CCDC148: variants seen among roughly 807,000 people sequenced by gnomAD.
CCDC148 encodes coiled-coil domain-containing protein 148.
CCDC148 carries 89 observed loss-of-function variants against 85.7 expected under a neutral mutation model. The observed-to-expected ratio is 1.04, with a 90% CI of 0.87 to 1.24. The LOEUF is 1.24. Ranked by LOEUF, CCDC148 falls within the 50% of genes most tolerant of loss-of-function variation. The probability of loss-of-function intolerance (pLI) is 0.00; values close to 1 mark genes in which losing one functional copy is unlikely to be tolerated. For missense variants in CCDC148, 692 were observed against 671.7 expected, an observed-to-expected ratio of 1.03 and a Z score of -0.33; for synonymous variants, 230 against 213.9, an observed-to-expected ratio of 1.08 and a Z score of -0.66.
At position 158,448,871 on chromosome 2, in the gene CCDC148, A is replaced by C. The variant is rs959565866; in HGVS notation, c.25+7544T>G. Among the ~76,000 whole-genome samples, 16 of 152,246 alleles carry C rather than the reference A, an allele frequency of 1.1e-4. No homozygotes were observed. The East Asian group carries it at 3.1e-3, about 29-fold the overall frequency. On this transcript the variant is annotated intron_variant, in intron 1 of 13. Transcript: ENST00000283233. Reference sequence around the variant, plus strand: ...GAGACGGAGTCTTGCTCTGTCACCCAGGCTGGAGTGCAGTGGCGCAATCTC... The same window carrying C: ...GAGACGGAGTCTTGCTCTGTCACCCCGGCTGGAGTGCAGTGGCGCAATCTC...
At chr2:158,340,748 CAA>C (rs1682643966) in intron 3 of CCDC148, 68 bp from the exon 4 acceptor site, 1 of 914,098 alleles carries the variant, frequency 1.1e-6, no homozygotes, top group African/African-American at 1.7e-5. Context: ...AAAAAATAAC[CAA>C]AGAGATATTT....
intron 9 of CCDC148, among the ~76,000 whole-genome samples, chr2:158,260,412 T>C (rs1348827980): frequency 6.6e-6 from 1 of 151,928 alleles, no homozygotes; most frequent in Non-Finnish European, 1.5e-5. Flanking sequence ...TCATATTGAT[T>C]GGGCAAAAGC....
At chr2:158,379,412 A>G (rs1684782248) in intron 1 of CCDC148, among the ~76,000 whole-genome samples, 1 of 152,150 alleles carries the variant, frequency 6.6e-6, no homozygotes, top group South Asian at 2.1e-4. Flanking sequence ...GCTTGTGAAC[A>G]CTGTTGAAAT....
intron 8 of CCDC148, among the ~76,000 whole-genome samples, chr2:158,310,836 G>A (rs1691965078): frequency 6.6e-6 from 1 of 150,824 alleles, no homozygotes; most frequent in Non-Finnish European, 1.5e-5. Context: ...CTTCCTAGAT[G>A]GGATGACGGC....
At chr2:158,201,908 T>C (rs1166785755) in intron 11 of CCDC148, among the ~76,000 whole-genome samples, 1 of 152,184 alleles carries the variant, frequency 6.6e-6, no homozygotes, top group Non-Finnish European at 1.5e-5. Context: ...TAATTGTCCT[T>C]ATTCTCAGTT....
At chr2:158,226,675 C>T (rs1558999074) in intron 10 of CCDC148, among the ~76,000 whole-genome samples, 2 of 152,140 alleles carry the variant, frequency 1.3e-5, no homozygotes. Context: ...AAACATAATC[C>T]AGCATATAAA....
chr2:158,283,293 C>A (rs1323391494), intron 9 of CCDC148, among the ~76,000 whole-genome samples: 8 of 152,174 alleles, frequency 5.3e-5, no homozygotes, highest in South Asian at 2.1e-4. Flanking sequence ...TCTAATTAAA[C>A]TAAAGAGCTT....
chr2:158,296,235 GTTCA>G (rs1347849150), intron 9 of CCDC148, among the ~76,000 whole-genome samples: 1 of 152,100 alleles, frequency 6.6e-6, no homozygotes. Context: ...TCCATTTTGA[GTTCA>G]TTTTACATAC....
At chr2:158,360,661 C>A (rs1273523865) in intron 1 of CCDC148, among the ~76,000 whole-genome samples, 1 of 152,122 alleles carries the variant, frequency 6.6e-6, no homozygotes, top group East Asian at 1.9e-4. Context: ...TCGGAAACCC[C>A]AGCCGAAGCT....
chr2:158,446,004 T>C (rs1350004407), intron 1 of CCDC148, among the ~76,000 whole-genome samples: 1 of 151,954 alleles, frequency 6.6e-6, no homozygotes, highest in Non-Finnish European at 1.5e-5. Flanking sequence ...CTGGAAAAAA[T>C]ATGGAAGAAG....
At chr2:158,371,841 C>A (rs1684457051) in intron 1 of CCDC148, among the ~76,000 whole-genome samples, 1 of 151,922 alleles carries the variant, frequency 6.6e-6, no homozygotes, top group Non-Finnish European at 1.5e-5. Context: ...TCTATCAAAT[C>A]TCTGCCCTCT....
chr2:158,317,384 A>C (rs1692330019), intron 7 of CCDC148, among the ~76,000 whole-genome samples: 1 of 152,190 alleles, frequency 6.6e-6, no homozygotes, highest in Admixed American at 6.5e-5. Flanking sequence ...TTCAGCCTAC[A>C]AAAGGTGAGG....
intron 1 of CCDC148, among the ~76,000 whole-genome samples, chr2:158,436,711 C>T (rs972127437): frequency 6.6e-6 from 1 of 152,110 alleles, no homozygotes. Flanking sequence ...AAAAGACCAA[C>T]AAAATTGATA....
chr2:158,355,057 T>C (rs1207949749), intron 2 of CCDC148, among the ~76,000 whole-genome samples: 3 of 151,774 alleles, frequency 2.0e-5, no homozygotes, highest in Non-Finnish European at 4.4e-5. Context: ...CTCAATAAAT[T>C]AGGTATTGAT....
At chr2:158,454,791 T>C (rs924906972) in intron 1 of CCDC148, among the ~76,000 whole-genome samples, 4 of 152,258 alleles carry the variant, frequency 2.6e-5, no homozygotes, top group African/African-American at 9.6e-5. Flanking sequence ...CAATGCTTAG[T>C]AGCGCAGGAG....
intron 9 of CCDC148, among the ~76,000 whole-genome samples, chr2:158,262,818 C>CAGA (rs1244813060): frequency 6.6e-6 from 1 of 151,856 alleles, no homozygotes; most frequent in Non-Finnish European, 1.5e-5. Context: ...GATTACAATT[C>CAGA]AACATGATAT....
At chr2:158,326,416 CTTATGTA>C (rs1271136155) in intron 7 of CCDC148, among the ~76,000 whole-genome samples, 2 of 152,084 alleles carry the variant, frequency 1.3e-5, no homozygotes, top group South Asian at 2.1e-4. Context: ...GTATAATATA[CTTATGTA>C]TTATGTTTAT....
At chr2:158,270,656 G>A (rs1689656887) in intron 9 of CCDC148, among the ~76,000 whole-genome samples, 1 of 152,168 alleles carries the variant, frequency 6.6e-6, no homozygotes, top group African/African-American at 2.4e-5. Context: ...TAGCAAGCAC[G>A]AGAAAGCTAG....
At chr2:158,206,794 TA>T (rs1267692266) in intron 11 of CCDC148, among the ~76,000 whole-genome samples, 4 of 152,254 alleles carry the variant, frequency 2.6e-5, no homozygotes, top group Non-Finnish European at 5.9e-5. Context: ...GTATTGTATA[TA>T]GGTGATTTTA....
Sources: gnomAD v4.1 joint callset for allele counts (sites outside exome capture counted in the v4.1 genomes callset) on GRCh38, gnomAD v4.1.1 for gene constraint, MANE v1.5 for transcripts, NCBI Gene and HGNC (gene_info 2026-07-23, HGNC 2026-07-21) for gene names.